Variants in SPECC1 observed in about 807,000 individuals in gnomAD.
SPECC1 encodes cytospin-B.
Under a neutral mutation model 104.1 loss-of-function variants are expected in SPECC1, and 62 were observed. The ratio of observed to expected loss-of-function variants is 0.60; its 90% CI spans 0.49 to 0.74. SPECC1 has a LOEUF of 0.74. SPECC1 is among the 30% of genes least tolerant of loss of function. The pLI, the probability that SPECC1 is intolerant of heterozygous loss-of-function variation, is 0.00. For missense variants in SPECC1, 1,306 were observed against 1,310.5 expected (o/e 1.00, Z 0.05); for synonymous variants, 513 against 501.6 (o/e 1.02, Z -0.30).
chr17:20,188,630 C>G (rs750922588), intron 3 of SPECC1, among the ~76,000 whole-genome samples: 4 of 152,160 alleles, frequency 2.6e-5, no homozygotes, highest in Non-Finnish European at 4.4e-5. Flanking sequence ...TGAAGTCTCT[C>G]AGACTTTGTT....
At position 20,115,021 on chromosome 17, in the gene SPECC1, T is replaced by G. The variant is rs773859285; in HGVS notation, c.283+4459T>G. Among the ~76,000 whole-genome samples the G allele has an allele frequency of 4.6e-5, 7 of 152,312 alleles. No homozygotes were observed. In the South Asian group the frequency reaches 1.5e-3, roughly 32 times the overall value. ...TGTTATTCACTCACTTAAAGGTACCTCTGTAGAAATAACCTAAAACTGCAG... is the reference window on the plus strand; with the variant it reads ...TGTTATTCACTCACTTAAAGGTACCGCTGTAGAAATAACCTAAAACTGCAG... On this transcript the variant is annotated intron_variant, in intron 3 of 14. Transcript: ENST00000395527.
chr17:20,033,945 C>T (rs772099256), intron 1 of SPECC1, among the ~76,000 whole-genome samples: 58 of 152,188 alleles, frequency 3.8e-4, no homozygotes, highest in Non-Finnish European at 7.1e-4. Flanking sequence ...TCTTCCTAAA[C>T]AGTTAGCAAA....
At chr17:20,086,575 G>T (rs2047186137) in intron 1 of SPECC1, among the ~76,000 whole-genome samples, 1 of 152,230 alleles carries the variant, frequency 6.6e-6, no homozygotes, top group Non-Finnish European at 1.5e-5. Flanking sequence ...CATGTGGCAT[G>T]TGTAGCCTGC....
chr17:20,047,966 G>A (rs538175689), intron 1 of SPECC1, among the ~76,000 whole-genome samples: 20 of 151,842 alleles, frequency 1.3e-4, no homozygotes, highest in Non-Finnish European at 2.6e-4. Context: ...CCTTCTTCAC[G>A]TAATGTTCAT....
intron 3 of SPECC1, among the ~76,000 whole-genome samples, chr17:20,142,825 A>AT (rs1567873965): frequency 2.0e-5 from 2 of 100,230 alleles, no homozygotes; most frequent in Non-Finnish European, 4.6e-5. Flanking sequence ...GCCTATCTTT[A>AT]CCAAAAAAAA....
Position 20,260,228 on chromosome 17 carries a change from G to A in SPECC1, c.2874G>A (p.Arg958=). The change falls in exon 12 of 15, where the codon CGG becomes CGA. Residue 958 remains arginine (R), a synonymous_variant. Transcript: ENST00000395527. Reference sequence around the variant, plus strand: ...AAGACCCTCTGGCAGCCTTGGCCCGGGAATACGGTGGTTCCAAGCGCAATG... The same window carrying A: ...AAGACCCTCTGGCAGCCTTGGCCCGAGAATACGGTGGTTCCAAGCGCAATG... The part of the protein sequence containing the change: ...ERKDPLAALA[R]EYGGSKRNAL... The A allele has an allele frequency of 6.2e-7, 1 of 1,613,950 alleles. No homozygotes were observed. The highest frequency in any genetic ancestry group is 1.6e-4 in the Middle Eastern group (1 of 6,062).
At chr17:20,216,292 C>T (rs2037485826) in intron 4 of SPECC1, among the ~76,000 whole-genome samples, 1 of 152,124 alleles carries the variant, frequency 6.6e-6, no homozygotes. Flanking sequence ...TTCCTCTTTG[C>T]AGGAGCACTC....
At chr17:20,159,999 TAAAG>T (rs568574811) in intron 3 of SPECC1, among the ~76,000 whole-genome samples, 66 of 152,318 alleles carry the variant, frequency 4.3e-4, no homozygotes, top group African/African-American at 1.5e-3. Flanking sequence ...CCCAAAGTGT[TAAAG>T]AAGTCTTAGA....
In SPECC1 at chr17:20,205,356, TAAGTC is replaced by T. The variant is rs764080274; in HGVS notation, c.1311_1315del (p.Ser437ArgfsTer3). The T allele has an allele frequency of 6.2e-7, 1 of 1,613,768 alleles. No homozygotes were observed. The highest frequency in any genetic ancestry group is 8.5e-7 in the Non-Finnish European group (1 of 1,179,982). On this transcript the variant is annotated frameshift_variant, in exon 4 of 15. Transcript: ENST00000395527. LOFTEE classifies it high-confidence loss of function. Reference sequence around the variant, plus strand: ...CAGCATCGAGAGAGGGCAGAGCAGCTAAGTCAAGAAAATGAGAAGCTGATGAATCT... The same window carrying T: ...CAGCATCGAGAGAGGGCAGAGCAGCTAAGAAAATGAGAAGCTGATGAATCT...
At chr17:20,016,919 T>C (rs971477508) in intron 1 of SPECC1, among the ~76,000 whole-genome samples, 1 of 152,340 alleles carries the variant, frequency 6.6e-6, no homozygotes, top group Non-Finnish European at 1.5e-5. Context: ...AACCTTTATG[T>C]CTAGCTAAGG....
intron 3 of SPECC1, among the ~76,000 whole-genome samples, chr17:20,117,178 C>T (rs573539592): frequency 2.7e-4 from 41 of 151,834 alleles, no homozygotes; most frequent in African/African-American, 8.9e-4. Flanking sequence ...AAAATGTGAC[C>T]GAGTAAGTAT....
intron 2 of SPECC1, among the ~76,000 whole-genome samples, chr17:20,104,756 A>G (rs1370906145): frequency 9.3e-5 from 14 of 150,540 alleles, no homozygotes; most frequent in South Asian, 4.2e-4. Flanking sequence ...AAAAAAAAAA[A>G]AAAAAAAAAA....
chr17:20,278,971 T>C (rs191824924), intron 12 of SPECC1, among the ~76,000 whole-genome samples: 1 of 152,158 alleles, frequency 6.6e-6, no homozygotes, highest in Non-Finnish European at 1.5e-5. Flanking sequence ...GGGCTGTTTG[T>C]CCCCAGCTGA....
chr17:20,232,035 A>T (rs2151479481), intron 6 of SPECC1, among the ~76,000 whole-genome samples, 165 bp from the exon 7 acceptor site: 1 of 152,312 alleles, frequency 6.6e-6, no homozygotes, highest in East Asian at 1.9e-4. Context: ...TGAAGGTGTA[A>T]TTCCACCAGT....
chr17:20,199,383 G>GTTTT (rs3077216), intron 3 of SPECC1, among the ~76,000 whole-genome samples: 1 of 62,432 alleles, frequency 1.6e-5, no homozygotes, highest in Non-Finnish European at 2.6e-5. Context: ...CACCGTGCTG[G>GTTTT]TTTTTTTTTT....
intron 1 of SPECC1, among the ~76,000 whole-genome samples, chr17:20,052,011 T>A (rs2045791960): frequency 6.6e-6 from 1 of 152,194 alleles, no homozygotes; most frequent in Non-Finnish European, 1.5e-5. Flanking sequence ...CATAGTGGGT[T>A]ATTAAGGATT....
intron 4 of SPECC1, among the ~76,000 whole-genome samples, chr17:20,224,534 G>A (rs2038093224): frequency 1.3e-5 from 2 of 152,106 alleles, no homozygotes; most frequent in Admixed American, 6.5e-5. Flanking sequence ...TTATTTTATT[G>A]TGGCTGAGCT....
chr17:20,110,346 G>GC, intron 2 of SPECC1, 81 bp from the exon 3 acceptor site: 1 of 1,482,750 alleles, frequency 6.7e-7, no homozygotes, highest in Admixed American at 2.1e-5. Context: ...ACATAGCCCA[G>GC]CTCCCATGCT....
intron 9 of SPECC1, among the ~76,000 whole-genome samples, chr17:20,248,328 T>A (rs1194192504): frequency 6.6e-6 from 1 of 152,140 alleles, no homozygotes; most frequent in Non-Finnish European, 1.5e-5. Flanking sequence ...GTACACCCTT[T>A]AGCTTCCCAG....
Sources: gnomAD v4.1 joint callset for allele counts (sites outside exome capture counted in the v4.1 genomes callset) on GRCh38, gnomAD v4.1.1 for gene constraint, MANE v1.5 for transcripts, NCBI Gene and HGNC (gene_info 2026-07-23, HGNC 2026-07-21) for gene names.